The following LYST variants were observed in gnomAD, a reference collection of about 807,000 sequenced individuals.
LYST encodes the protein lysosomal trafficking regulator, also known as lysosomal-trafficking regulator.
LYST carries 192 observed loss-of-function variants against 413.6 expected under a neutral mutation model. The ratio of observed to expected loss-of-function variants is 0.46; its 90% CI spans 0.41 to 0.52. The LOEUF is 0.52. Ranked by LOEUF, LYST falls within the 20% of genes least tolerant of loss-of-function variation. The pLI, the probability that LYST is intolerant of heterozygous loss-of-function variation, is 0.00. For synonymous variants in LYST, 1,525 were observed against 1,567.3 expected, an observed-to-expected ratio of 0.97 and a Z score of 0.64; for missense variants, 3,815 against 4,499.9, an observed-to-expected ratio of 0.85 and a Z score of 4.35.
At chr1:235,782,180 C>G (rs1558236657) in intron 14 of LYST, 93 bp from the exon 15 acceptor site, 2 of 820,516 alleles carry the variant, frequency 2.4e-6, no homozygotes, top group Non-Finnish European at 1.8e-6. Context: ...ATGGGGAATT[C>G]TTTTTTTTTT....
chr1:235,791,871 G>A lies in LYST; in HGVS notation c.4371C>T (p.His1457=). Residue 1457 remains histidine, a synonymous_variant, in exon 12 of 53, where the codon CAC becomes CAT. Transcript: ENST00000389793. ...LLSSWHIAPV[H]LPLLGQNCWP... ...AGCAGTTTTGCCCCAGCAACGGCAGGTGGACTGGGGCTATGTGCCAAGATG... is the reference window on the plus strand; with the variant it reads ...AGCAGTTTTGCCCCAGCAACGGCAGATGGACTGGGGCTATGTGCCAAGATG... The A allele has an allele frequency of 1.2e-6, 2 of 1,614,150 alleles. No homozygotes were observed. Among genetic ancestry groups the A allele is most frequent in the Non-Finnish European group, 1.7e-6 (2 of 1,179,996 alleles).
chr1:235,669,291 T>C (rs1454749065), intron 50 of LYST, among the ~76,000 whole-genome samples: 1 of 152,188 alleles, frequency 6.6e-6, no homozygotes, highest in Non-Finnish European at 1.5e-5. Context: ...GGCAGGAGAA[T>C]AGGGTCTGGA....
chr1:235,681,427 G>A (rs984549311), intron 48 of LYST, among the ~76,000 whole-genome samples: 6 of 152,126 alleles, frequency 3.9e-5, no homozygotes, highest in African/African-American at 1.4e-4. Flanking sequence ...TTTTATCCCC[G>A]AAGCAATAAA....
chr1:235,733,413 T>C (rs774640755), intron 34 of LYST, 90 bp downstream of exon 34: 277 of 1,098,550 alleles, frequency 2.5e-4, no homozygotes, highest in Non-Finnish European at 3.6e-4. Context: ...AATGATTTTA[T>C]GAGTCTGAAT....
At chr1:235,830,123 C>A in intron 3 of LYST, 103 bp downstream of exon 3, 1 of 837,738 alleles carries the variant, frequency 1.2e-6, no homozygotes, top group South Asian at 1.5e-5. Flanking sequence ...AAAGACTGGA[C>A]TTTATCTCAA....
chr1:235,733,694 AAAC>A lies in LYST; in HGVS notation c.8613-6_8613-4del, dbSNP rs1365440054. ...TTGAATCCAGACGCTGAAAGAGACT[AAAC>A]AAATAATAAGATTGTCCATAGTTAA... On this transcript the variant is annotated splice_region_variant and splice_polypyrimidine_tract_variant and intron_variant, in intron 33 of 52. Transcript: ENST00000389793. 6.2e-7 allele frequency: 1 copy of A among 1,609,530 alleles called. No homozygotes were observed. Among genetic ancestry groups the A allele is most frequent in the Admixed American group, 1.7e-5 (1 of 59,962 alleles).
At chr1:235,748,889 C>T (rs1365140160) in intron 28 of LYST, among the ~76,000 whole-genome samples, 2 of 152,166 alleles carry the variant, frequency 1.3e-5, no homozygotes, top group African/African-American at 2.4e-5. Context: ...ATAATGCAAG[C>T]TGCAGCTGCT....
chr1:235,664,517 C>G lies in LYST; in HGVS notation c.11143G>C (p.Glu3715Gln). 1 of 1,614,164 alleles carries G rather than the reference C, an allele frequency of 6.2e-7. No homozygotes were observed. Among genetic ancestry groups the G allele is most frequent in the South Asian group, 1.1e-5 (1 of 91,078 alleles). ...GCGATTACATTGATAGATACTCCCT[C>G]AGGCTGGTTGGAGAAAGCCACGGAA... ...ICSVAFSNQP[E>Q]GVSINVIAGG... The change falls in exon 51 of 53, where the codon GAG becomes CAG. Residue 3715 changes from glutamate to glutamine, a missense_variant. Physicochemically the swap from Glu to Gln is conservative, Grantham distance 29. Around this residue, in one of 4 missense-constraint regions of LYST, gnomAD observed 866 missense variants for 1,156.0 expected, o/e 0.75. Coordinates refer to ENST00000389793, the MANE Select transcript of LYST (RefSeq NM_000081.4). The surrounding 1 kb of genome is among the most constrained non-coding windows in gnomAD (Gnocchi z 4.5).
chr1:235,767,172 C>T (rs1291112113), intron 20 of LYST, among the ~76,000 whole-genome samples: 1 of 152,078 alleles, frequency 6.6e-6, no homozygotes, highest in African/African-American at 2.4e-5. Context: ...TCCATCTCCC[C>T]AGTGGGTAGC....
intron 31 of LYST, chr1:235,737,927 C>A: frequency 8.6e-7 from 1 of 1,165,410 alleles, no homozygotes; most frequent in Non-Finnish European, 1.1e-6. Context: ...GTCTGGATCT[C>A]ACTGCCGCGT....
At position 235,687,196 on chromosome 1, in the gene LYST, G is replaced by C. The variant is rs1660286621; in HGVS notation, c.10702-149C>G. On this transcript the variant is annotated intron_variant, in intron 47 of 52. Transcript: ENST00000389793. ...CAAAAATGTTAGGTAAACATTTCTTGAAACAGAAACGTGTCAGATATAGTA... is the reference window on the plus strand; with the variant it reads ...CAAAAATGTTAGGTAAACATTTCTTCAAACAGAAACGTGTCAGATATAGTA... 32 of 652,294 alleles carry C rather than the reference G, an allele frequency of 4.9e-5. No individual in the cohort carries two copies. In the South Asian group the frequency reaches 5.7e-4, roughly 12 times the overall value. 40.4% of individuals were successfully genotyped at this position (652,294 alleles called of 1,614,324 possible). A position where few individuals can be genotyped will look rare whatever the true frequency, so the allele number is the denominator to read the frequency against.
At chr1:235,692,484 G>A (rs1004915868) in intron 47 of LYST, among the ~76,000 whole-genome samples, 7 of 151,504 alleles carry the variant, frequency 4.6e-5, no homozygotes, top group Non-Finnish European at 7.4e-5. Flanking sequence ...GGGTTCAAGC[G>A]ATTCTCCTGC....
chr1:235,754,516 C>T lies in LYST; in HGVS notation c.7229+962G>A, dbSNP rs375416857. ...TTGGGAGTACAGGCTTGAGCCACCA[C>T]GCCCAGCCTCACCTGTCTTTTCAGT... On this transcript the variant is annotated intron_variant, in intron 25 of 52. Coordinates refer to ENST00000389793, the MANE Select transcript of LYST (RefSeq NM_000081.4). Among the ~76,000 whole-genome samples, 10 of 152,136 alleles carry T rather than the reference C, an allele frequency of 6.6e-5. No individual in the cohort carries two copies. In the East Asian group the frequency reaches 1.2e-3, roughly 18 times the overall value.
At chr1:235,835,429 T>A (rs937849472) in intron 1 of LYST, among the ~76,000 whole-genome samples, 6 of 152,158 alleles carry the variant, frequency 3.9e-5, no homozygotes, top group Non-Finnish European at 2.9e-5. Flanking sequence ...CCGTAAGAAG[T>A]GAAAGCTGGC....
chr1:235,800,258 T>C, intron 10 of LYST, 62 bp downstream of exon 10: 4 of 1,134,760 alleles, frequency 3.5e-6, no homozygotes, highest in Non-Finnish European at 5.4e-6. Context: ...CCAGAAGCCA[T>C]TATTATCAAC....
intron 26 of LYST, among the ~76,000 whole-genome samples, chr1:235,752,543 C>A (rs978686883): frequency 6.6e-6 from 1 of 152,040 alleles, no homozygotes; most frequent in Non-Finnish European, 1.5e-5. Flanking sequence ...TGGGTATGAA[C>A]AGGAACATTC....
At chr1:235,878,853 C>T (rs1378839345) in intron 1 of LYST, among the ~76,000 whole-genome samples, 2 of 152,168 alleles carry the variant, frequency 1.3e-5, no homozygotes, top group Admixed American at 6.5e-5. Flanking sequence ...CTCAGGCAAT[C>T]TAATGAACAC....
chr1:235,715,709 G>A (rs1237146886), intron 41 of LYST, among the ~76,000 whole-genome samples: 1 of 152,142 alleles, frequency 6.6e-6, no homozygotes, highest in Admixed American at 6.5e-5. Flanking sequence ...TCTGTCACTA[G>A]AGATGTCTTC....
chr1:235,835,253 GA>G (rs1676444491), intron 1 of LYST, among the ~76,000 whole-genome samples: 1 of 151,944 alleles, frequency 6.6e-6, no homozygotes, highest in African/African-American at 2.4e-5. Flanking sequence ...TATGGAAGGG[GA>G]AAAAATAAAA....
Sources: allele counts gnomAD v4.1 joint callset (sites outside exome capture counted in the v4.1 genomes callset), GRCh38; gene constraint gnomAD v4.1.1; regional missense constraint gnomAD v4.1.1; non-coding constraint Gnocchi (gnomAD v3.1); transcripts MANE v1.5; gene names NCBI Gene and HGNC (gene_info 2026-07-23, HGNC 2026-07-21).